Variants in NRG2 observed in about 807,000 individuals in gnomAD.
NRG2 encodes pro-neuregulin-2, membrane-bound isoform.
A neutral mutation model predicts 73.9 loss-of-function variants in NRG2; 27 were observed. The observed-to-expected ratio is 0.37, with a 90% CI of 0.27 to 0.50. The LOEUF (loss-of-function observed/expected upper bound fraction) is 0.50. Among genes scored for constraint, NRG2 ranks in the 20% least tolerant of loss-of-function variants. The pLI is 0.96. For synonymous variants in NRG2, 532 were observed against 541.0 expected, an observed-to-expected ratio of 0.98 and a Z score of 0.23; for missense variants, 1,126 against 1,210.1, an observed-to-expected ratio of 0.93 and a Z score of 1.03.
intron 1 of NRG2, among the ~76,000 whole-genome samples, chr5:139,987,774 T>G (rs952839084): frequency 8.2e-6 from 1 of 122,080 alleles, no homozygotes; most frequent in Non-Finnish European, 1.7e-5. Context: ...TGCAGGTTGT[T>G]TTTTTTTTTT....
intron 5 of NRG2, among the ~76,000 whole-genome samples, chr5:139,860,349 C>T (rs1762074885): frequency 6.6e-6 from 1 of 152,052 alleles, no homozygotes; most frequent in Non-Finnish European, 1.5e-5. Context: ...ACAGCTTGCC[C>T]AGCTCCCTCA....
chr5:139,880,577 C>A (rs990161463), intron 3 of NRG2, among the ~76,000 whole-genome samples: 2 of 152,222 alleles, frequency 1.3e-5, no homozygotes, highest in Non-Finnish European at 2.9e-5. Flanking sequence ...CTAAAAATAT[C>A]CTTTCCCCAC....
At chr5:140,040,465 A>C (rs1392989094) in intron 1 of NRG2, among the ~76,000 whole-genome samples, 2 of 152,218 alleles carry the variant, frequency 1.3e-5, no homozygotes, top group Non-Finnish European at 2.9e-5. Context: ...TAGAACAAAC[A>C]ATGTGTAATT....
chr5:139,913,933 G>A (rs1034715871), intron 1 of NRG2, among the ~76,000 whole-genome samples: 4 of 152,154 alleles, frequency 2.6e-5, no homozygotes, highest in African/African-American at 7.2e-5. Flanking sequence ...AGGGTGAATC[G>A]TTTGAGCCCA....
chr5:139,902,996 C>T (rs1764984241), intron 1 of NRG2, among the ~76,000 whole-genome samples: 1 of 152,190 alleles, frequency 6.6e-6, no homozygotes, highest in Admixed American at 6.5e-5. Context: ...TTCTCTCTAC[C>T]CTGCTGGAAA....
chr5:139,995,861 T>C (rs1047491316), intron 1 of NRG2, among the ~76,000 whole-genome samples: 3 of 151,830 alleles, frequency 2.0e-5, no homozygotes. Flanking sequence ...AAAATAAAAA[T>C]AAAAATTAGC....
At chr5:139,994,585 T>A (rs575485915) in intron 1 of NRG2, among the ~76,000 whole-genome samples, 2 of 152,336 alleles carry the variant, frequency 1.3e-5, no homozygotes, top group East Asian at 3.9e-4. Context: ...TATAAACACA[T>A]AATACTACTG....
chr5:139,966,084 G>A (rs1486503228), intron 1 of NRG2, among the ~76,000 whole-genome samples: 1 of 152,118 alleles, frequency 6.6e-6, no homozygotes, highest in Non-Finnish European at 1.5e-5. Context: ...CCCAGTGTCA[G>A]TGTGGTGCCT....
At chr5:139,938,881 AAG>A (rs1320920938) in intron 1 of NRG2, among the ~76,000 whole-genome samples, 8,362 of 85,836 alleles carry the variant, frequency 0.097, 349 homozygotes, top group African/African-American at 0.16. Context: ...AGAGAGAGAG[AAG>A]GAAAGAAAGA....
At chr5:139,981,537 A>C (rs1756802136) in intron 1 of NRG2, among the ~76,000 whole-genome samples, 1 of 152,158 alleles carries the variant, frequency 6.6e-6, no homozygotes, top group South Asian at 2.1e-4. Context: ...ATCCAGAGAG[A>C]GTCCAAGTGG....
intron 1 of NRG2, among the ~76,000 whole-genome samples, chr5:139,927,857 A>G (rs264344): frequency 0.014 from 2,080 of 152,194 alleles, 40 homozygotes; most frequent in African/African-American, 0.047. Flanking sequence ...CTCACTTCCA[A>G]AAGGAAACTA....
chr5:139,949,067 T>C (rs971503674), intron 1 of NRG2, among the ~76,000 whole-genome samples: 2 of 152,078 alleles, frequency 1.3e-5, no homozygotes, highest in Non-Finnish European at 2.9e-5. Context: ...ATCTGTAGTG[T>C]AGACACTTCA....
At position 139,906,022 on chromosome 5, in the gene NRG2, T is replaced by C. The variant is rs557383528; in HGVS notation, c.701-18511A>G. On this transcript the variant is annotated intron_variant, in intron 1 of 9. Transcript: ENST00000361474. Reference sequence around the variant, plus strand: ...GTGAGCTTTCTTTCTTTCTTTCTTTTTTTGAGATGTAGTCTCACTCTGTCG... The same window carrying C: ...GTGAGCTTTCTTTCTTTCTTTCTTTCTTTGAGATGTAGTCTCACTCTGTCG... Among the ~76,000 whole-genome samples, 16 of 152,214 alleles carry C rather than the reference T, an allele frequency of 1.1e-4. No individual in the cohort carries two copies. The Middle Eastern group carries it at 0.014, about 129-fold the overall frequency.
intron 5 of NRG2, chr5:139,859,869 GAC>G (rs1292324240): frequency 6.2e-7 from 1 of 1,611,662 alleles, no homozygotes; most frequent in Non-Finnish European, 8.5e-7. Flanking sequence ...GGTGCTGAGT[GAC>G]ACACAGAGGT....
chr5:139,885,040 G>A (rs1322149100), intron 2 of NRG2, among the ~76,000 whole-genome samples: 2 of 152,136 alleles, frequency 1.3e-5, no homozygotes, highest in African/African-American at 2.4e-5. Context: ...CAGGGGAGAG[G>A]CCAGATTGGG....
intron 1 of NRG2, among the ~76,000 whole-genome samples, chr5:140,001,880 A>T (rs1011207374): frequency 3.3e-5 from 5 of 152,134 alleles, no homozygotes; most frequent in Non-Finnish European, 7.3e-5. Flanking sequence ...AGTAAATTTT[A>T]AAAATTAAAA....
chr5:139,985,683 A>G (rs1757120214), intron 1 of NRG2, among the ~76,000 whole-genome samples: 1 of 152,192 alleles, frequency 6.6e-6, no homozygotes, highest in African/African-American at 2.4e-5. Context: ...AGCTAACCAT[A>G]GGTCCCAGGC....
Position 139,873,915 on chromosome 5 carries a change from TTGAGCC to T in NRG2, c.992-2080_992-2075del, listed in dbSNP as rs1329729616. ...GATGGGGCCTCCCCAGCCGAATGCA[TTGAGCC>T]TGCGCTGCCAGTATCATGTTGTCAT... On this transcript the variant is annotated intron_variant, in intron 3 of 9. Coordinates refer to ENST00000361474, the MANE Select transcript of NRG2 (RefSeq NM_004883.3). Among the ~76,000 whole-genome samples, 5 of 152,228 alleles carry T rather than the reference TTGAGCC, an allele frequency of 3.3e-5. No homozygotes were observed. The South Asian group carries it at 8.3e-4, about 25-fold the overall frequency.
chr5:139,862,270 A>C (rs1389438747), intron 5 of NRG2, among the ~76,000 whole-genome samples: 1 of 152,172 alleles, frequency 6.6e-6, no homozygotes, highest in African/African-American at 2.4e-5. Flanking sequence ...GTCAAAGGCC[A>C]GTACTGTTTA....
Sources: allele counts gnomAD v4.1 joint callset (sites outside exome capture counted in the v4.1 genomes callset), GRCh38; gene constraint gnomAD v4.1.1; transcripts MANE v1.5; gene names NCBI Gene and HGNC (gene_info 2026-07-23, HGNC 2026-07-21).